The following RAPGEFL1 variants were observed in gnomAD, a reference collection of about 807,000 sequenced individuals.
RAPGEFL1 encodes the protein rap guanine nucleotide exchange factor-like 1.
Under a neutral mutation model 64.4 loss-of-function variants are expected in RAPGEFL1, and 31 were observed. The observed-to-expected ratio is 0.48, with a 90% confidence interval of 0.36 to 0.65. The LOEUF (loss-of-function observed/expected upper bound fraction) is 0.65. RAPGEFL1 is among the 30% of genes least tolerant of loss of function. The probability of loss-of-function intolerance (pLI) is 0.00; values close to 1 mark genes in which losing one functional copy is unlikely to be tolerated. For missense variants in RAPGEFL1, 682 were observed against 677.4 expected (o/e 1.01, Z -0.08); for synonymous variants, 331 against 274.1 (o/e 1.21, Z -2.05).
chr17:40,188,396 C>T, intron 4 of RAPGEFL1: 1 of 170,340 alleles, frequency 5.9e-6, no homozygotes, highest in Non-Finnish European at 1.3e-5. Context: ...AGCTGTATGC[C>T]TGTCTATCTC....
intron 6 of RAPGEFL1, 58 bp downstream of exon 6, chr17:40,189,433 G>T: frequency 6.3e-7 from 1 of 1,581,124 alleles, no homozygotes; most frequent in Non-Finnish European, 8.6e-7. Flanking sequence ...CAAGCTCAGG[G>T]CTCTGGGGGA....
At chr17:40,193,116 C>A in intron 13 of RAPGEFL1, 126 bp downstream of exon 13, 1 of 1,034,900 alleles carries the variant, frequency 9.7e-7, no homozygotes, top group Non-Finnish European at 1.5e-6. Flanking sequence ...AGACTCTTGA[C>A]TGTCTCCCTG....
intron 8 of RAPGEFL1, chr17:40,190,989 G>A: frequency 1.6e-6 from 1 of 618,794 alleles, no homozygotes; most frequent in Admixed American, 3.3e-5. Flanking sequence ...ACCTGACCCA[G>A]GATTTCTATT....
chr17:40,189,474 A>T, intron 6 of RAPGEFL1, 99 bp downstream of exon 6: 1 of 1,339,394 alleles, frequency 7.5e-7, no homozygotes, highest in South Asian at 1.3e-5. Flanking sequence ...GGCCCTTGCT[A>T]CTCAAAGTAT....
chr17:40,185,682 G>A (rs554431023), intron 4 of RAPGEFL1, among the ~76,000 whole-genome samples: 4 of 151,766 alleles, frequency 2.6e-5, no homozygotes, highest in Non-Finnish European at 5.9e-5. Context: ...TACTTGGGAG[G>A]GTGAGGCAGA....
Position 40,191,564 on chromosome 17 carries a change from C to G in RAPGEFL1, c.1515-18C>G, listed in dbSNP as rs1192651427. 1 of 1,586,506 alleles carries G rather than the reference C, an allele frequency of 6.3e-7. No individual in the cohort carries two copies. The highest frequency in any genetic ancestry group is 8.6e-7 in the Non-Finnish European group (1 of 1,167,798). On this transcript the variant is annotated intron_variant, in intron 9 of 14. Transcript: ENST00000620260. This position sits in a 1 kb window ranked among gnomAD's most constrained non-coding sequence, Gnocchi z 5.1. ...CCGCGCCGCCGCCCGCCCCTGACCC[C>G]GCCTCCCACCCCCGCAGCTGCAAGC...
intron 11 of RAPGEFL1, 59 bp downstream of exon 11, chr17:40,192,322 C>T: frequency 1.3e-6 from 2 of 1,521,488 alleles, no homozygotes; most frequent in South Asian, 1.1e-5. Flanking sequence ...ACCCTCTGTT[C>T]CCATAAACCC....
At position 40,189,302 on chromosome 17, in the gene RAPGEFL1, G is replaced by A. The variant is rs762615786; in HGVS notation, c.1041G>A (p.Glu347=). 1.2e-6 allele frequency: 2 copies of A among 1,614,184 alleles called. No individual in the cohort carries two copies. Among genetic ancestry groups the A allele is most frequent in the South Asian group, 2.2e-5 (2 of 91,084 alleles). ...AGGACATTCTGGGCTCTGTGACGGA[G>A]AAACTTCAATATTCAGAGGAGCCCG... The part of the protein sequence containing the change: ...SVQDILGSVT[E]KLQYSEEPAG... The change falls in exon 6 of 15, where the codon GAG becomes GAA. Residue 347 remains glutamate (E), a synonymous_variant. Coordinates refer to ENST00000620260, the MANE Select transcript of RAPGEFL1 (RefSeq NM_016339.6).
chr17:40,191,551 C>G lies in RAPGEFL1; in HGVS notation c.1515-31C>G, dbSNP rs897855166. 10 of 1,565,420 alleles carry G rather than the reference C, an allele frequency of 6.4e-6. No homozygotes were observed. The African/African-American group carries it at 1.4e-4, about 21-fold the overall frequency. ...GGAGGCCGGAGGCCCGCGCCGCCGC[C>G]CGCCCCTGACCCCGCCTCCCACCCC... On this transcript the variant is annotated intron_variant, in intron 9 of 14. Transcript: ENST00000620260. This position sits in a 1 kb window ranked among gnomAD's most constrained non-coding sequence, Gnocchi z 5.1.
intron 1 of RAPGEFL1, among the ~76,000 whole-genome samples, chr17:40,180,727 G>T (rs1316958730): frequency 6.6e-6 from 1 of 152,208 alleles, no homozygotes; most frequent in East Asian, 1.9e-4. Context: ...ACTTTGTGTT[G>T]GTTTTCCTCC....
intron 4 of RAPGEFL1, among the ~76,000 whole-genome samples, chr17:40,185,932 A>G (rs1245826688): frequency 6.7e-6 from 1 of 149,458 alleles, no homozygotes; most frequent in Non-Finnish European, 1.5e-5. Context: ...TTACTGCACT[A>G]CAGCCTGGGT....
Position 40,189,343 on chromosome 17 carries a change from C to T in RAPGEFL1, c.1082C>T (p.Ser361Phe). Residue 361 changes from serine (S) to phenylalanine (F), a missense_variant, in exon 6 of 15, where the codon TCC becomes TTC. Transcript: ENST00000620260. ...YSEEPAGRED[S>F]LILVAVSSSG... is the part of the protein sequence containing the mutation. ...GAGGAGCCCGCGGGGCGTGAGGATT[C>T]CCTCATCCTGGTAGCTGTGTCCTCC... is the stretch of plus-strand genomic sequence containing the variant. 1 of 1,614,158 alleles carries T rather than the reference C, an allele frequency of 6.2e-7. No homozygotes were observed. Among genetic ancestry groups the T allele is most frequent in the Non-Finnish European group, 8.5e-7 (1 of 1,180,032 alleles).
chr17:40,191,780 G>A lies in RAPGEFL1; in HGVS notation c.1605+108G>A. ...CCTGGAGGGAGTCTTTGCGCCAGTT[G>A]GAGGGAGGCGCCCTCTTCTGGCATA... is the stretch of plus-strand genomic sequence containing the variant. On this transcript the variant is annotated intron_variant, in intron 10 of 14. Coordinates refer to ENST00000620260, the MANE Select transcript of RAPGEFL1 (RefSeq NM_016339.6). This position sits in a 1 kb window ranked among gnomAD's most constrained non-coding sequence, Gnocchi z 5.1. 9.0e-7 allele frequency: 1 copy of A among 1,115,310 alleles called. No homozygotes were observed. The highest frequency in any genetic ancestry group is 1.3e-6 in the Non-Finnish European group (1 of 759,920). The allele number at this position is 1,115,310 out of a possible 1,614,324, so 69.1% of individuals were successfully genotyped here.
At chr17:40,179,618 C>T (rs35487582) in intron 1 of RAPGEFL1, among the ~76,000 whole-genome samples, 6 of 152,162 alleles carry the variant, frequency 3.9e-5, no homozygotes, top group South Asian at 2.1e-4. Context: ...TACTAAGGGG[C>T]CTTTGAGGAA....
intron 4 of RAPGEFL1, among the ~76,000 whole-genome samples, chr17:40,188,320 C>T (rs1158266246): frequency 6.6e-6 from 1 of 152,184 alleles, no homozygotes; most frequent in African/African-American, 2.4e-5. Flanking sequence ...CTTCTTCCCC[C>T]ACACCAGCAT....
At chr17:40,190,911 T>G in intron 8 of RAPGEFL1, 149 bp downstream of exon 8, 1 of 1,304,514 alleles carries the variant, frequency 7.7e-7, no homozygotes, top group Middle Eastern at 2.8e-4. Context: ...TTCCCCCATC[T>G]GAAAAAAATC....
rs1990417950 is a variant in RAPGEFL1 at position 40,195,160 on chromosome 17, T to C, written c.*1372T>C. On this transcript the variant is annotated 3_prime_UTR_variant, in exon 15 of 15. Coordinates refer to ENST00000620260, the MANE Select transcript of RAPGEFL1 (RefSeq NM_016339.6). ...GCTCTGGAATTGTACATTTATTTTT[T>C]AAAACTCAAAGAGGGAAAGAGCCTT... is the stretch of plus-strand genomic sequence containing the variant. 6.6e-6 allele frequency: 1 copy of C among 152,272 alleles called. No individual in the cohort carries two copies. The highest frequency in any genetic ancestry group is 1.5e-5 in the Non-Finnish European group (1 of 68,054). 9.4% of individuals were successfully genotyped at this position (152,272 alleles called of 1,614,324 possible).
At position 40,178,130 on chromosome 17, in the gene RAPGEFL1, G is replaced by C; in HGVS notation, c.269G>C (p.Gly90Ala). 1 of 560,508 alleles carries C rather than the reference G, an allele frequency of 1.8e-6. No homozygotes were observed. The highest frequency in any genetic ancestry group is 3.1e-6 in the Non-Finnish European group (1 of 317,702). 34.7% of individuals were successfully genotyped at this position (560,508 alleles called of 1,614,324 possible). A position where few individuals can be genotyped will look rare whatever the true frequency, so the allele number is the denominator to read the frequency against. ...PPEEEGGEPA[G>A]VAEEPGSGGP... The stretch of plus-strand genomic sequence containing the variant: ...GAGGAGGAAGGAGGAGAGCCGGCGG[G>C]GGTCGCGGAGGAGCCGGGCAGCGGG... Residue 90 changes from glycine to alanine, a missense_variant, in exon 1 of 15, where the codon GGG becomes GCG. Transcript: ENST00000620260.
intron 13 of RAPGEFL1, 114 bp from the exon 14 acceptor site, chr17:40,193,249 C>T (rs1388200277): frequency 6.5e-6 from 8 of 1,239,624 alleles, no homozygotes; most frequent in Non-Finnish European, 9.4e-6. Flanking sequence ...AGAGACCCTC[C>T]AGAATTGGAG....
Sources: allele counts gnomAD v4.1 joint callset (sites outside exome capture counted in the v4.1 genomes callset), GRCh38; gene constraint gnomAD v4.1.1; non-coding constraint Gnocchi (gnomAD v3.1); transcripts MANE v1.5; gene names NCBI Gene and HGNC (gene_info 2026-07-23, HGNC 2026-07-21).